The following COL22A1 variants were observed in gnomAD, a reference collection of about 807,000 sequenced individuals.
The protein encoded by COL22A1 is collagen alpha-1(XXII) chain.
A neutral mutation model predicts 248.9 loss-of-function variants in COL22A1; 221 were observed. The ratio of observed to expected loss-of-function variants is 0.89; its 90% CI spans 0.80 to 0.99. The LOEUF (loss-of-function observed/expected upper bound fraction) is 0.99. COL22A1 is among the 50% of genes least tolerant of loss of function. The probability of loss-of-function intolerance (pLI) is 0.00; values close to 1 mark genes in which losing one functional copy is unlikely to be tolerated. For synonymous variants in COL22A1, 891 were observed against 793.4 expected, an observed-to-expected ratio of 1.12 and a Z score of -2.07; for missense variants, 2,240 against 2,179.0, an observed-to-expected ratio of 1.03 and a Z score of -0.56.
intron 48 of COL22A1, among the ~76,000 whole-genome samples, chr8:138,635,948 G>C (rs573398754): frequency 4.3e-4 from 66 of 152,318 alleles, no homozygotes; most frequent in African/African-American, 1.5e-3. Context: ...GTGAGGTCAG[G>C]AGTTTGTCTG....
chr8:138,669,885 C>CTTT (rs34714342), intron 41 of COL22A1, among the ~76,000 whole-genome samples: 8,367 of 121,058 alleles, frequency 0.069, 440 homozygotes, highest in South Asian at 0.13. Flanking sequence ...ACTCCTAAGA[C>CTTT]TTTTTTTTTT....
chr8:138,635,680 A>T (rs1564124637), intron 48 of COL22A1, among the ~76,000 whole-genome samples: 3 of 152,158 alleles, frequency 2.0e-5, no homozygotes, highest in Non-Finnish European at 4.4e-5. Context: ...AAACCAAATA[A>T]ACCACCAAGA....
At chr8:138,853,404 G>A (rs1316479248) in intron 3 of COL22A1, among the ~76,000 whole-genome samples, 2 of 152,154 alleles carry the variant, frequency 1.3e-5, no homozygotes, top group Admixed American at 1.3e-4. Context: ...ACTCATGAGG[G>A]AGCTGTCTTG....
chr8:138,739,208 C>A (rs886264810), intron 22 of COL22A1, among the ~76,000 whole-genome samples: 7 of 152,144 alleles, frequency 4.6e-5, no homozygotes, highest in African/African-American at 1.4e-4. Context: ...CCTCCATGAC[C>A]TCATTTCCTC....
chr8:138,805,539 G>A (rs1586786577), intron 10 of COL22A1, among the ~76,000 whole-genome samples: 2 of 147,756 alleles, frequency 1.4e-5, no homozygotes, highest in Middle Eastern at 3.6e-3. Flanking sequence ...TGGCATGTGT[G>A]TGATGGTATG....
chr8:138,743,400 T>C lies in COL22A1; in HGVS notation c.2086-5823A>G, dbSNP rs926204852. ...TTGATGATGGTAGTAGTGATTGTGATGGTGGAGTTGATGGTGATGGTGGTA... is the reference window on the plus strand; with the variant it reads ...TTGATGATGGTAGTAGTGATTGTGACGGTGGAGTTGATGGTGATGGTGGTA... On this transcript the variant is annotated intron_variant, in intron 22 of 64. Coordinates refer to ENST00000303045, the MANE Select transcript of COL22A1 (RefSeq NM_152888.3). Among the ~76,000 whole-genome samples the C allele has an allele frequency of 1.6e-4, 25 of 152,080 alleles. 1 individual carries two copies. The highest frequency in any genetic ancestry group is 1.2e-3 in the Admixed American group (18 of 15,268).
intron 37 of COL22A1, among the ~76,000 whole-genome samples, chr8:138,686,922 T>C (rs1233165663): frequency 1.3e-5 from 2 of 152,208 alleles, no homozygotes; most frequent in Non-Finnish European, 2.9e-5. Context: ...TGAATGTTTG[T>C]ACCTGTATTA....
At position 138,589,375 on chromosome 8, in the gene COL22A1, T is replaced by A; in HGVS notation, c.4759A>T (p.Thr1587Ser). Residue 1587 changes from threonine (T) to serine (S), a missense_variant, in exon 65 of 65, where the codon ACA (threonine) becomes TCA (serine). Thr to Ser is a moderately conservative substitution (Grantham distance 58). Transcript: ENST00000303045. ...AGGCCAGGATGTCCAGCTGGTCCTG[T>A]CTCCCCTTGAGGGCCAGGGATCCCA... ...LPGIPGPQGE[T>S]GPAGHPGLPG... The A allele has an allele frequency of 6.2e-7, 1 of 1,608,422 alleles. No individual in the cohort carries two copies. The highest frequency in any genetic ancestry group is 8.5e-7 in the Non-Finnish European group (1 of 1,177,254).
chr8:138,749,673 G>C (rs118153158), intron 22 of COL22A1, among the ~76,000 whole-genome samples: 2 of 152,124 alleles, frequency 1.3e-5, no homozygotes, highest in Non-Finnish European at 2.9e-5. Flanking sequence ...GAAGTAAACC[G>C]GCCTGGAGAG....
chr8:138,692,262 G>GTGTGGAGGTGTGTGTGTACATGTGTGTA (rs1827100092), intron 35 of COL22A1, among the ~76,000 whole-genome samples: 1 of 143,594 alleles, frequency 7.0e-6, no homozygotes, highest in Non-Finnish European at 1.5e-5. Flanking sequence ...GTGTGCGTGT[G>GTGTGGAGGTGTGTGTGTACATGTGTGTA]TGCATGTTTG....
chr8:138,903,926 G>A (rs1814805570), intron 1 of COL22A1, among the ~76,000 whole-genome samples: 1 of 152,090 alleles, frequency 6.6e-6, no homozygotes, highest in Non-Finnish European at 1.5e-5. Flanking sequence ...AGTGTGTGGG[G>A]GATCCTGATG....
intron 16 of COL22A1, among the ~76,000 whole-genome samples, chr8:138,764,190 C>T (rs963319323): frequency 6.6e-6 from 1 of 152,174 alleles, no homozygotes; most frequent in Non-Finnish European, 1.5e-5. Context: ...TGCCTGCCCA[C>T]CAGTGGACAA....
chr8:138,907,778 C>T (rs528242209), intron 1 of COL22A1, among the ~76,000 whole-genome samples: 13 of 152,300 alleles, frequency 8.5e-5, no homozygotes, highest in East Asian at 5.8e-4. Flanking sequence ...GGCAGAAGCA[C>T]GCATGTAAAA....
intron 49 of COL22A1, 92 bp downstream of exon 49, chr8:138,634,918 G>T: frequency 1.1e-6 from 1 of 886,322 alleles, no homozygotes; most frequent in Non-Finnish European, 1.8e-6. Flanking sequence ...TAAAATGAGA[G>T]ATATGCTCAG....
chr8:138,645,586 A>G (rs1276332552), intron 47 of COL22A1, among the ~76,000 whole-genome samples: 1 of 152,216 alleles, frequency 6.6e-6, no homozygotes, highest in Non-Finnish European at 1.5e-5. Context: ...CACTGATGGG[A>G]GCATTTTGCC....
chr8:138,874,389 A>G, intron 3 of COL22A1, among the ~76,000 whole-genome samples: 1 of 152,102 alleles, frequency 6.6e-6, no homozygotes, highest in African/African-American at 2.4e-5. Context: ...GTTTTCCTTC[A>G]TGTATCAGAT....
At chr8:138,642,246 T>C (rs1821778135) in intron 47 of COL22A1, among the ~76,000 whole-genome samples, 2 of 152,344 alleles carry the variant, frequency 1.3e-5, no homozygotes, top group East Asian at 1.9e-4. Flanking sequence ...ACCCCAGTTA[T>C]ACCACCCACT....
In COL22A1 at chr8:138,777,532, C is replaced by G. The variant is rs573589006; in HGVS notation, c.1758+821G>C. 2.0e-5 allele frequency among the ~76,000 whole-genome samples: 3 copies of G among 152,278 alleles called. No homozygotes were observed. In the East Asian group the frequency reaches 5.8e-4, roughly 29 times the overall value. ...CTCCCTCCCCTTGCCCACCACCCCCCAACAGGCCCTTGTGTGTGATGTTCC... is the reference window on the plus strand; with the variant it reads ...CTCCCTCCCCTTGCCCACCACCCCCGAACAGGCCCTTGTGTGTGATGTTCC... On this transcript the variant is annotated intron_variant, in intron 15 of 64. Transcript: ENST00000303045.
At chr8:138,692,846 T>C (rs1392283517) in intron 35 of COL22A1, among the ~76,000 whole-genome samples, 2 of 152,108 alleles carry the variant, frequency 1.3e-5, no homozygotes, top group African/African-American at 2.4e-5. Flanking sequence ...CTGTCCCCAC[T>C]GTGGCATCCA....
Sources: gnomAD v4.1 joint callset for allele counts (sites outside exome capture counted in the v4.1 genomes callset) on GRCh38, gnomAD v4.1.1 for gene constraint, MANE v1.5 for transcripts, NCBI Gene and HGNC (gene_info 2026-07-23, HGNC 2026-07-21) for gene names.